Variants in RNF213 observed in about 807,000 individuals in gnomAD.
RNF213 encodes the protein E3 ubiquitin-protein ligase RNF213.
Under a neutral mutation model 514.4 loss-of-function variants are expected in RNF213, and 341 were observed. The ratio of observed to expected loss-of-function variants is 0.66; its 90% CI spans 0.61 to 0.73. The LOEUF (loss-of-function observed/expected upper bound fraction) is 0.73. RNF213 is among the 30% of genes least tolerant of loss of function. The pLI, the probability that RNF213 is intolerant of heterozygous loss-of-function variation, is 0.00. For missense variants in RNF213, 5,767 were observed against 6,615.6 expected (o/e 0.87, Z 4.45); for synonymous variants, 2,655 against 2,658.2 (o/e 1.00, Z 0.04).
chr17:80,294,164 G>A (rs945080807), intron 8 of RNF213, among the ~76,000 whole-genome samples: 10 of 152,098 alleles, frequency 6.6e-5, no homozygotes, highest in East Asian at 5.8e-4. Context: ...CACTCATATC[G>A]TTTGCAATGG....
chr17:80,287,787 T>TA, intron 3 of RNF213, 28 bp from the exon 4 acceptor site: 1 of 1,606,526 alleles, frequency 6.2e-7, no homozygotes, highest in East Asian at 2.2e-5. Flanking sequence ...ATCTAAGAAA[T>TA]AAAGTGAGTG....
Position 80,343,135 on chromosome 17 carries a change from A to G in RNF213, c.5993A>G (p.Lys1998Arg). 1 of 1,613,200 alleles carries G rather than the reference A, an allele frequency of 6.2e-7. No homozygotes were observed. Among genetic ancestry groups the G allele is most frequent in the South Asian group, 1.1e-5 (1 of 91,058 alleles). The change falls in exon 27 of 68, where the codon AAG (lysine) becomes AGG (arginine). Residue 1998 changes from lysine to arginine, a missense_variant. Around this residue, in one of 13 missense-constraint regions of RNF213, gnomAD observed 1,377 missense variants for 1,635.2 expected, o/e 0.84. Coordinates refer to ENST00000582970, the MANE Select transcript of RNF213 (RefSeq NM_001256071.3). The surrounding 1 kb of genome is among the most constrained non-coding windows in gnomAD (Gnocchi z 4.3). ...AATTTCTGTATTAATGTTATAGGAAAGTCTCTGTACGTGAAGAGGTTGCAC... is the reference window on the plus strand; with the variant it reads ...AATTTCTGTATTAATGTTATAGGAAGGTCTCTGTACGTGAAGAGGTTGCAC... Reference protein sequence around the residue: ...IVASERAGVGKSLYVKRLHDK... With the variant: ...IVASERAGVGRSLYVKRLHDK...
chr17:80,348,196 C>A lies in RNF213; in HGVS notation c.9861C>A (p.Tyr3287Ter). The change falls in exon 29 of 68, where the codon TAC becomes TAA. Residue 3287 changes from tyrosine (Y) to a stop codon, truncating the protein, a stop_gained. Coordinates refer to ENST00000582970, the MANE Select transcript of RNF213 (RefSeq NM_001256071.3). LOFTEE classifies it high-confidence loss of function. ...CAGCGGAGTGGCTGTCGCAGGAGTA[C>A]TTTCACAGACAGAGGCACAACTCCT... Reference protein sequence around the residue: ...GFAAEWLSQEYFHRQRHNSFA... With the variant: ...GFAAEWLSQE 4.3e-6 allele frequency: 7 copies of A among 1,613,944 alleles called. No individual in the cohort carries two copies. Among genetic ancestry groups the A allele is most frequent in the Non-Finnish European group, 5.9e-6 (7 of 1,180,048 alleles).
intron 10 of RNF213, among the ~76,000 whole-genome samples, chr17:80,296,648 T>G (rs2044960266): frequency 6.6e-6 from 1 of 152,198 alleles, no homozygotes. Flanking sequence ...GACCAGCATG[T>G]CTTATCACGA....
intron 3 of RNF213, among the ~76,000 whole-genome samples, chr17:80,282,057 A>G (rs551791468): frequency 1.3e-5 from 2 of 151,970 alleles, no homozygotes; most frequent in African/African-American, 4.8e-5. Flanking sequence ...GGGTTTTGCC[A>G]TGTTGGCTAG....
At chr17:80,315,692 TGA>T (rs2045894188) in intron 15 of RNF213, 1 of 145,970 alleles carries the variant, frequency 6.9e-6, no homozygotes, top group Non-Finnish European at 1.5e-5. Context: ...GTGGTGAAGG[TGA>T]TGGTAGAGGT....
At chr17:80,265,336 C>T (rs971712961) in intron 2 of RNF213, among the ~76,000 whole-genome samples, 13 of 152,164 alleles carry the variant, frequency 8.5e-5, no homozygotes, top group South Asian at 6.2e-4. Context: ...CGTGAGCCAC[C>T]GCGCCCAGCC....
At chr17:80,260,977 C>G (rs2043394384) in intron 1 of RNF213, 75 bp downstream of exon 1, 1 of 151,490 alleles carries the variant, frequency 6.6e-6, no homozygotes, top group Admixed American at 6.6e-5. Context: ...GCCGGCGGGC[C>G]GGGTCCCGGG....
chr17:80,376,637 G>A, intron 52 of RNF213, 94 bp downstream of exon 52: 1 of 1,551,646 alleles, frequency 6.4e-7, no homozygotes, highest in Non-Finnish European at 8.8e-7. Context: ...GAACTCTTGA[G>A]CATCTTTATC....
intron 16 of RNF213, among the ~76,000 whole-genome samples, chr17:80,318,613 G>C (rs924660109): frequency 2.0e-5 from 3 of 151,542 alleles, no homozygotes; most frequent in African/African-American, 4.9e-5. Context: ...TCGCTCTATC[G>C]CCCAGGCTGG....
chr17:80,337,919 G>A lies in RNF213; in HGVS notation c.4755G>A (p.Val1585=). The change falls in exon 25 of 68, where the codon GTG becomes GTA. Residue 1585 remains valine, a synonymous_variant. Coordinates refer to ENST00000582970, the MANE Select transcript of RNF213 (RefSeq NM_001256071.3). ...CACGAGAGTACTCTTTAGAGGAGGTGAAGGAGCTTTTGAACAAGTTGATGC... is the reference window on the plus strand; with the variant it reads ...CACGAGAGTACTCTTTAGAGGAGGTAAAGGAGCTTTTGAACAAGTTGATGC... The part of the protein sequence containing the change: ...EESREYSLEE[V]KELLNKLMLM... The A allele has an allele frequency of 6.5e-7, 1 of 1,537,336 alleles. No homozygotes were observed. The highest frequency in any genetic ancestry group is 1.7e-4 in the Middle Eastern group (1 of 5,990).
chr17:80,361,070 G>C lies in RNF213; in HGVS notation c.11201-664G>C, dbSNP rs1412184522. On this transcript the variant is annotated intron_variant, in intron 38 of 67. Transcript: ENST00000582970. ...AGCCCACTTGTTCCTAATTTACTTG[G>C]ACCCGGGGGTTCCTGAAGCATGCTG... is the stretch of plus-strand genomic sequence containing the variant. Among the ~76,000 whole-genome samples the C allele has an allele frequency of 2.0e-5, 3 of 152,244 alleles. No individual in the cohort carries two copies. In the East Asian group the frequency reaches 5.8e-4, roughly 29 times the overall value.
rs765640752 is a variant in RNF213, at chr17:80,351,646, GT to G, written c.10185-34del. On this transcript the variant is annotated intron_variant, in intron 31 of 67. Coordinates refer to ENST00000582970, the MANE Select transcript of RNF213 (RefSeq NM_001256071.3). ...TTTGCTTGTTTTTGTGTGTGTGTTT[GT>G]TTTTAAAATAGGTATTCTTTTTTTT... The G allele has an allele frequency of 3.7e-5, 41 of 1,105,768 alleles. No individual in the cohort carries two copies. In the East Asian group the frequency reaches 9.7e-4, roughly 26 times the overall value. 68.5% of individuals were successfully genotyped at this position (1,105,768 alleles called of 1,614,324 possible).
intron 41 of RNF213, 107 bp from the exon 42 acceptor site, chr17:80,364,326 C>A: frequency 2.0e-6 from 3 of 1,515,636 alleles, no homozygotes; most frequent in Non-Finnish European, 2.7e-6. Context: ...AGCCGCTGGG[C>A]CTGGACCCCG....
chr17:80,276,871 T>A (rs1160659680), intron 3 of RNF213, among the ~76,000 whole-genome samples: 1 of 151,296 alleles, frequency 6.6e-6, no homozygotes, highest in Non-Finnish European at 1.5e-5. Context: ...GCCAACATGG[T>A]GAAACCCCGT....
In RNF213 at chr17:80,377,190, C is replaced by A; in HGVS notation, c.13510+227C>A. On this transcript the variant is annotated intron_variant, in intron 53 of 67. Transcript: ENST00000582970. This position sits in a 1 kb window ranked among gnomAD's most constrained non-coding sequence, Gnocchi z 4.1. ...TCATTTCTTTGTCGTGTGGAAAAGG[C>A]CCTCTGTGATGCACTTCTGTTCTCT... 1.8e-6 allele frequency: 1 copy of A among 563,926 alleles called. No individual in the cohort carries two copies. The highest frequency in any genetic ancestry group is 3.2e-6 in the Non-Finnish European group (1 of 312,922). 34.9% of individuals were successfully genotyped at this position (563,926 alleles called of 1,614,324 possible).
At position 80,287,851 on chromosome 17, in the gene RNF213, A is replaced by G; in HGVS notation, c.298A>G (p.Asn100Asp). ...GAAAAGGAAGAAGAAAAAGAAGGGGAACAAGTCCGCTTCCTCAGAGCTGGC... is the reference window on the plus strand; with the variant it reads ...GAAAAGGAAGAAGAAAAAGAAGGGGGACAAGTCCGCTTCCTCAGAGCTGGC... ...KKKRKKKKKG[N>D]KSASSELASL... The change falls in exon 4 of 68, where the codon AAC (asparagine) becomes GAC (aspartate). Residue 100 changes from asparagine to aspartate, a missense_variant. Transcript: ENST00000582970. 1 of 1,608,138 alleles carries G rather than the reference A, an allele frequency of 6.2e-7. No individual in the cohort carries two copies. The highest frequency in any genetic ancestry group is 8.5e-7 in the Non-Finnish European group (1 of 1,177,070).
chr17:80,374,287 C>A (rs1467454230), intron 49 of RNF213, among the ~76,000 whole-genome samples, 171 bp from the exon 50 acceptor site: 1 of 152,224 alleles, frequency 6.6e-6, no homozygotes. Context: ...GAGGAGGAAG[C>A]TCCCTGCGAA....
chr17:80,346,055 A>AGG lies in RNF213; in HGVS notation c.7721_7722insGG (p.Ser2574ArgfsTer3), dbSNP rs1408388941. ...ATACCGGGTCCATGCTCTGCCCCCG[A>AGG]GCCTGATTCCTCTGGTGTGGGACTT... is the stretch of plus-strand genomic sequence containing the variant. On this transcript the variant is annotated frameshift_variant, in exon 29 of 68. Transcript: ENST00000582970. LOFTEE classifies it high-confidence loss of function. The surrounding 1 kb of genome is among the most constrained non-coding windows in gnomAD (Gnocchi z 8.1). 1 of 1,614,114 alleles carries AGG rather than the reference A, an allele frequency of 6.2e-7. No homozygotes were observed. Among genetic ancestry groups the AGG allele is most frequent in the Non-Finnish European group, 8.5e-7 (1 of 1,180,032 alleles).
Sources: allele counts gnomAD v4.1 joint callset (sites outside exome capture counted in the v4.1 genomes callset), GRCh38; gene constraint gnomAD v4.1.1; regional missense constraint gnomAD v4.1.1; non-coding constraint Gnocchi (gnomAD v3.1); transcripts MANE v1.5; gene names NCBI Gene and HGNC (gene_info 2026-07-23, HGNC 2026-07-21).